The following CMTM2 variants were observed in gnomAD, a reference collection of about 807,000 sequenced individuals.
CMTM2 encodes the protein CKLF-like MARVEL transmembrane domain-containing protein 2.
A neutral mutation model predicts 16.8 loss-of-function variants in CMTM2; 15 were observed. That is an observed-to-expected ratio of 0.89 (90% confidence interval 0.60 to 1.37). CMTM2 has a LOEUF of 1.37. Among genes scored for constraint, CMTM2 ranks in the 40% most tolerant of loss-of-function variants. CMTM2 has a pLI of 0.00. For missense variants in CMTM2, 282 were observed against 318.0 expected (o/e 0.89, Z 0.86); for synonymous variants, 117 against 118.7 (o/e 0.99, Z 0.09).
At chr16:66,585,890 T>C (rs930884381) in intron 2 of CMTM2, among the ~76,000 whole-genome samples, 1 of 152,170 alleles carries the variant, frequency 6.6e-6, no homozygotes. Context: ...AATGGCACTA[T>C]AGAAACCAAG....
At chr16:66,580,264 G>C in intron 2 of CMTM2, 80 bp downstream of exon 2, 1 of 1,455,280 alleles carries the variant, frequency 6.9e-7, no homozygotes, top group Non-Finnish European at 9.6e-7. Flanking sequence ...TCACCAAACA[G>C]AGAGACACAC....
chr16:66,579,590 A>C lies in CMTM2; in HGVS notation c.-18A>C. 6.2e-7 allele frequency: 1 copy of C among 1,613,492 alleles called. No homozygotes were observed. The highest frequency in any genetic ancestry group is 8.5e-7 in the Non-Finnish European group (1 of 1,179,898). On this transcript the variant is annotated 5_prime_UTR_variant, in exon 1 of 4. Transcript: ENST00000268595. This position sits in a 1 kb window ranked among gnomAD's most constrained non-coding sequence, Gnocchi z 6.5. ...AGAAACAGGCCAGCTGTGAGAAGCCAAGGACACCGAGTCAGTCATGGCACC... is the reference window on the plus strand; with the variant it reads ...AGAAACAGGCCAGCTGTGAGAAGCCCAGGACACCGAGTCAGTCATGGCACC...
chr16:66,581,398 G>C (rs1009748825), intron 2 of CMTM2, among the ~76,000 whole-genome samples: 3 of 152,162 alleles, frequency 2.0e-5, no homozygotes, highest in African/African-American at 7.2e-5. Context: ...AATGTAACCA[G>C]TATTGCTTTA....
At chr16:66,587,354 C>T (rs1461841949) in intron 3 of CMTM2, among the ~76,000 whole-genome samples, 1 of 152,070 alleles carries the variant, frequency 6.6e-6, no homozygotes, top group Non-Finnish European at 1.5e-5. Flanking sequence ...AATACAAAAA[C>T]ACAAAATTTA....
At position 66,584,414 on chromosome 16, in the gene CMTM2, C is replaced by T. The variant is rs556673007; in HGVS notation, c.445-2583C>T. 7.2e-5 allele frequency among the ~76,000 whole-genome samples: 11 copies of T among 152,258 alleles called. No homozygotes were observed. The South Asian group carries it at 8.3e-4, about 11-fold the overall frequency. ...ACACACACATGCACACACATACACA[C>T]GCACGCATCAAAGAAAGGCCATGTG... is the stretch of plus-strand genomic sequence containing the variant. On this transcript the variant is annotated intron_variant, in intron 2 of 3. Coordinates refer to ENST00000268595, the MANE Select transcript of CMTM2 (RefSeq NM_144673.3).
chr16:66,579,672 C>T lies in CMTM2; in HGVS notation c.65C>T (p.Ala22Val), dbSNP rs1414700663. The change falls in exon 1 of 4, where the codon GCC (alanine) becomes GTC (valine). Residue 22 changes from alanine (A) to valine (V), a missense_variant. Coordinates refer to ENST00000268595, the MANE Select transcript of CMTM2 (RefSeq NM_144673.3). This position sits in a 1 kb window ranked among gnomAD's most constrained non-coding sequence, Gnocchi z 6.5. ...EPAPAPPPPG[A>V]KPEEDKKDGK... ...GCACCAGCTCCACCTCCACCCGGGG[C>T]CAAACCCGAGGAAGACAAGAAGGAC... 1 of 1,613,754 alleles carries T rather than the reference C, an allele frequency of 6.2e-7. No individual in the cohort carries two copies. Among genetic ancestry groups the T allele is most frequent in the South Asian group, 1.1e-5 (1 of 91,082 alleles).
At chr16:66,581,491 C>T (rs2014735633) in intron 2 of CMTM2, among the ~76,000 whole-genome samples, 1 of 152,112 alleles carries the variant, frequency 6.6e-6, no homozygotes, top group African/African-American at 2.4e-5. Context: ...ACATAAGCTA[C>T]AAAGTATGAG....
Position 66,579,664 on chromosome 16 carries a change from A to G in CMTM2, c.57A>G (p.Pro19=), listed in dbSNP as rs1567382274. ...CAGAGCCAGCACCAGCTCCACCTCC[A>G]CCCGGGGCCAAACCCGAGGAAGACA... ...AKPEPAPAPP[P]PGAKPEEDKK... The change falls in exon 1 of 4, where the codon CCA becomes CCG. Residue 19 remains proline, a synonymous_variant. Transcript: ENST00000268595. The surrounding 1 kb of genome is among the most constrained non-coding windows in gnomAD (Gnocchi z 6.5). 1 of 1,613,634 alleles carries G rather than the reference A, an allele frequency of 6.2e-7. No homozygotes were observed. The highest frequency in any genetic ancestry group is 8.5e-7 in the Non-Finnish European group (1 of 1,179,932).
At chr16:66,583,517 A>C (rs1175307065) in intron 2 of CMTM2, among the ~76,000 whole-genome samples, 2 of 152,144 alleles carry the variant, frequency 1.3e-5, no homozygotes, top group South Asian at 2.1e-4. Flanking sequence ...CTTTAAAAGA[A>C]ATCACTTAAA....
intron 2 of CMTM2, 137 bp from the exon 3 acceptor site, chr16:66,586,860 T>C: frequency 1.5e-6 from 1 of 665,644 alleles, no homozygotes; most frequent in Non-Finnish European, 2.8e-6. Flanking sequence ...GCCCGGTGTG[T>C]GTTTATCTTT....
chr16:66,586,900 T>C lies in CMTM2; in HGVS notation c.445-97T>C, dbSNP rs539610824. 1.1e-5 allele frequency: 9 copies of C among 831,192 alleles called. No homozygotes were observed. In the East Asian group the frequency reaches 2.0e-4, roughly 18 times the overall value. 51.5% of individuals were successfully genotyped at this position (831,192 alleles called of 1,614,324 possible). A position where few individuals can be genotyped will look rare whatever the true frequency, so the allele number is the denominator to read the frequency against. On this transcript the variant is annotated intron_variant, in intron 2 of 3. Transcript: ENST00000268595. ...ATACATTTTAAAATCAGGTGGAAAT[T>C]TGCAAATCATTCCTTTGGAGGAAGC...
At chr16:66,580,258 C>A in intron 2 of CMTM2, 74 bp downstream of exon 2, 2 of 1,498,578 alleles carry the variant, frequency 1.3e-6, no homozygotes, top group Non-Finnish European at 1.8e-6. Context: ...GGAAAGTCAC[C>A]AAACAGAGAG....
At chr16:66,584,774 C>T (rs1410658580) in intron 2 of CMTM2, among the ~76,000 whole-genome samples, 2 of 151,998 alleles carry the variant, frequency 1.3e-5, no homozygotes, top group African/African-American at 2.4e-5. Context: ...GACTATGTAT[C>T]CCATTAAAAT....
chr16:66,587,854 C>A, intron 3 of CMTM2, 65 bp from the exon 4 acceptor site: 1 of 1,528,610 alleles, frequency 6.5e-7, no homozygotes, highest in Non-Finnish European at 9.0e-7. Flanking sequence ...AATGAGAAAC[C>A]AGGAGGGAAA....
intron 2 of CMTM2, among the ~76,000 whole-genome samples, chr16:66,585,197 C>G (rs977827220): frequency 1.2e-4 from 18 of 152,164 alleles, no homozygotes; most frequent in African/African-American, 4.3e-4. Flanking sequence ...CCGCCCGCCT[C>G]AGCCTCCCAA....
Position 66,579,476 on chromosome 16 carries a change from G to A in CMTM2, c.-132G>A. ...GCGGGAGTTGGCATTCGGTGGTCCT[G>A]GCAGTTAGCTGAGCACGCCCTCTGA... On this transcript the variant is annotated 5_prime_UTR_variant, in exon 1 of 4. Transcript: ENST00000268595. The surrounding 1 kb of genome is among the most constrained non-coding windows in gnomAD (Gnocchi z 6.5). The A allele has an allele frequency of 1.8e-6, 2 of 1,116,986 alleles. No individual in the cohort carries two copies. Among genetic ancestry groups the A allele is most frequent in the Admixed American group, 4.8e-5 (2 of 41,378 alleles). 69.2% of individuals were successfully genotyped at this position (1,116,986 alleles called of 1,614,324 possible). A position where few individuals can be genotyped will look rare whatever the true frequency, so the allele number is the denominator to read the frequency against.
At chr16:66,587,291 C>T (rs541906383) in intron 3 of CMTM2, among the ~76,000 whole-genome samples, 193 bp downstream of exon 3, 4 of 152,222 alleles carry the variant, frequency 2.6e-5, no homozygotes, top group Admixed American at 6.5e-5. Context: ...GAGGCCGAGG[C>T]GGGCGGATCA....
chr16:66,579,556 GGA>G lies in CMTM2; in HGVS notation c.-45_-44del. On this transcript the variant is annotated 5_prime_UTR_variant, in exon 1 of 4. Transcript: ENST00000268595. This position sits in a 1 kb window ranked among gnomAD's most constrained non-coding sequence, Gnocchi z 6.5. ...AGGCCTGGCCTACCCAGAAACAGCA[GGA>G]GAGAGAAGAAACAGGCCAGCTGTGA... 1 of 1,605,898 alleles carries G rather than the reference GGA, an allele frequency of 6.2e-7. No individual in the cohort carries two copies. The highest frequency in any genetic ancestry group is 1.1e-5 in the South Asian group (1 of 90,288).
At chr16:66,582,220 TAC>T (rs1241679459) in intron 2 of CMTM2, among the ~76,000 whole-genome samples, 2 of 152,184 alleles carry the variant, frequency 1.3e-5, no homozygotes, top group Non-Finnish European at 2.9e-5. Context: ...TTTTAAAAAG[TAC>T]AGTGTCTAGA....
Sources: allele counts gnomAD v4.1 joint callset (sites outside exome capture counted in the v4.1 genomes callset), GRCh38; gene constraint gnomAD v4.1.1; non-coding constraint Gnocchi (gnomAD v3.1); transcripts MANE v1.5; gene names NCBI Gene and HGNC (gene_info 2026-07-23, HGNC 2026-07-21).